The following SMYD4 variants were observed in gnomAD, a reference collection of about 807,000 sequenced individuals.
The protein encoded by SMYD4 is protein-lysine N-methyltransferase SMYD4.
In SMYD4, 68 loss-of-function variants were observed where a neutral mutation model predicts 72.8. The ratio of observed to expected loss-of-function variants is 0.93; its 90% CI spans 0.77 to 1.14. SMYD4 has a LOEUF of 1.14. Ranked by LOEUF, SMYD4 falls within the 50% of genes most tolerant of loss-of-function variation. The pLI is 0.00. For synonymous variants in SMYD4, 407 were observed against 388.6 expected, an observed-to-expected ratio of 1.05 and a Z score of -0.56; for missense variants, 984 against 1,003.7, an observed-to-expected ratio of 0.98 and a Z score of 0.27.
intron 5 of SMYD4, among the ~76,000 whole-genome samples, chr17:1,792,047 T>C (rs961949922): frequency 6.6e-6 from 1 of 152,024 alleles, no homozygotes; most frequent in Non-Finnish European, 1.5e-5. Context: ...AATACATTTT[T>C]TTTTTTTTTG....
At chr17:1,799,506 A>G (rs1909590597) in intron 5 of SMYD4, among the ~76,000 whole-genome samples, 1 of 151,020 alleles carries the variant, frequency 6.6e-6, no homozygotes, top group Non-Finnish European at 1.5e-5. Context: ...AGTAGCTGGG[A>G]CTACAGGCAT....
At chr17:1,812,983 G>C (rs1464633657) in intron 2 of SMYD4, among the ~76,000 whole-genome samples, 1 of 149,644 alleles carries the variant, frequency 6.7e-6, no homozygotes, top group African/African-American at 2.5e-5. Flanking sequence ...CTGTCACCCA[G>C]GCTGGAGTGC....
chr17:1,807,175 C>A (rs1209817222), intron 3 of SMYD4, among the ~76,000 whole-genome samples: 2 of 152,022 alleles, frequency 1.3e-5, no homozygotes, highest in African/African-American at 4.8e-5. Context: ...CAGGTGTGAG[C>A]CACTGTGCCC....
At chr17:1,807,531 T>G (rs933632806) in intron 3 of SMYD4, among the ~76,000 whole-genome samples, 4 of 151,886 alleles carry the variant, frequency 2.6e-5, no homozygotes, top group Non-Finnish European at 4.4e-5. Flanking sequence ...CCCAGCTAAT[T>G]TTTCTATTTT....
chr17:1,783,053 G>A lies in SMYD4; in HGVS notation c.2243C>T (p.Ala748Val), dbSNP rs1397008849. The change falls in exon 10 of 11, where the codon GCC becomes GTC. Residue 748 changes from alanine to valine, a missense_variant. Coordinates refer to ENST00000305513, the MANE Select transcript of SMYD4 (RefSeq NM_052928.3). ...GACTCACCCGTTGAAAAAGATCTGG[G>A]CCAATTTGAAGAGCTCATGGCCCAT... Reference protein sequence around the residue: ...VEMGHELFKLAQIFFNGFAVP... With the variant: ...VEMGHELFKLVQIFFNGFAVP... 1 of 1,614,126 alleles carries A rather than the reference G, an allele frequency of 6.2e-7. No individual in the cohort carries two copies. The highest frequency in any genetic ancestry group is 1.7e-5 in the Admixed American group (1 of 59,960).
chr17:1,787,312 G>A (rs1908747180), intron 6 of SMYD4, 110 bp downstream of exon 6: 1 of 1,386,442 alleles, frequency 7.2e-7, no homozygotes, highest in Admixed American at 2.0e-5. Flanking sequence ...GCCTCTTCCA[G>A]GAAGCAGACA....
chr17:1,815,700 T>C (rs1910555764), intron 2 of SMYD4, among the ~76,000 whole-genome samples: 1 of 99,734 alleles, frequency 1.0e-5, no homozygotes, highest in Non-Finnish European at 2.3e-5. Context: ...GAAAAAGCAA[T>C]CTAATGTTTT....
Position 1,787,496 on chromosome 17 carries a change from G to C in SMYD4, c.1646C>G (p.Ser549Cys), listed in dbSNP as rs1290925147. Reference sequence around the variant, plus strand: ...GATGGTGGCGACAGTGCTAATGAAGGACACGCTGGTGTTGGGGCTACAGGA... The same window carrying C: ...GATGGTGGCGACAGTGCTAATGAAGCACACGCTGGTGTTGGGGCTACAGGA... ...NHSCSPNTSV[S>C]FISTVATIRA... is the part of the protein sequence containing the mutation. Residue 549 changes from serine to cysteine, a missense_variant, in exon 6 of 11, where the codon TCC becomes TGC. Transcript: ENST00000305513. The C allele has an allele frequency of 1.3e-6, 2 of 1,578,516 alleles. No homozygotes were observed. The highest frequency in any genetic ancestry group is 1.7e-6 in the Non-Finnish European group (2 of 1,162,138).
chr17:1,793,436 T>TG (rs1279919278), intron 5 of SMYD4, among the ~76,000 whole-genome samples: 1 of 151,772 alleles, frequency 6.6e-6, no homozygotes, highest in Non-Finnish European at 1.5e-5. Context: ...CTGACTCACA[T>TG]GACTGCCTTT....
At chr17:1,805,376 T>C (rs1182889528) in intron 3 of SMYD4, among the ~76,000 whole-genome samples, 2 of 152,078 alleles carry the variant, frequency 1.3e-5, no homozygotes, top group South Asian at 2.1e-4. Flanking sequence ...TGAGCTGAGA[T>C]AGTGCCTGAG....
At chr17:1,829,172 C>G (rs1911380439) in intron 1 of SMYD4, among the ~76,000 whole-genome samples, 1 of 152,162 alleles carries the variant, frequency 6.6e-6, no homozygotes. Flanking sequence ...CCAGGAAGCC[C>G]AGGACAAAAC....
chr17:1,795,311 G>A (rs544283679), intron 5 of SMYD4, among the ~76,000 whole-genome samples: 9 of 151,518 alleles, frequency 5.9e-5, no homozygotes, highest in East Asian at 3.9e-4. Context: ...TTGCTCTGTC[G>A]CCCTGGCTAT....
chr17:1,783,675 G>T, intron 8 of SMYD4, 199 bp from the exon 9 acceptor site: 1 of 880,394 alleles, frequency 1.1e-6, no homozygotes, highest in Non-Finnish European at 1.7e-6. Context: ...GGAGAAAGGC[G>T]CTAGGGGAGG....
intron 5 of SMYD4, among the ~76,000 whole-genome samples, chr17:1,799,374 T>A (rs7216871): frequency 0.14 from 19,635 of 145,090 alleles, 1,573 homozygotes; most frequent in African/African-American, 0.23. Flanking sequence ...AATCAAATAA[T>A]TTTTTTTTTT....
chr17:1,780,608 G>C lies in SMYD4; in HGVS notation c.*678C>G, dbSNP rs1172964618. 7.9e-6 allele frequency: 1 copy of C among 126,552 alleles called. No individual in the cohort carries two copies. The highest frequency in any genetic ancestry group is 2.5e-4 in the East Asian group (1 of 3,976). 7.8% of individuals were successfully genotyped at this position (126,552 alleles called of 1,614,324 possible). A position where few individuals can be genotyped will look rare whatever the true frequency, so the allele number is the denominator to read the frequency against. The stretch of plus-strand genomic sequence containing the variant: ...CGACCCACAGAACCCACATCTGGCA[G>C]CAGAACCTCTTAATATTTTTTTTTT... On this transcript the variant is annotated 3_prime_UTR_variant, in exon 11 of 11. Coordinates refer to ENST00000305513, the MANE Select transcript of SMYD4 (RefSeq NM_052928.3).
At chr17:1,813,818 CATAAAT>C (rs1404642659) in intron 2 of SMYD4, among the ~76,000 whole-genome samples, 24 of 151,786 alleles carry the variant, frequency 1.6e-4, no homozygotes, top group South Asian at 8.3e-4. Flanking sequence ...TGAACTAATA[CATAAAT>C]ATAGAGACAT....
chr17:1,821,048 T>C (rs1910860566), intron 2 of SMYD4, among the ~76,000 whole-genome samples: 1 of 152,170 alleles, frequency 6.6e-6, no homozygotes, highest in Non-Finnish European at 1.5e-5. Context: ...AGGTGATTTA[T>C]TAACCCCAGG....
In SMYD4 at chr17:1,789,394, A is replaced by C. The variant is rs117133681; in HGVS notation, c.1538-1790T>G. Among the ~76,000 whole-genome samples the C allele has an allele frequency of 2.0e-5, 3 of 152,034 alleles. No individual in the cohort carries two copies. The East Asian group carries it at 5.8e-4, about 29-fold the overall frequency. On this transcript the variant is annotated intron_variant, in intron 5 of 10. Transcript: ENST00000305513. The stretch of plus-strand genomic sequence containing the variant: ...AGAGCAAAACTGTCTCGCAAAACAA[A>C]AAAAACAAATTCACCAAAGAAATAG...
intron 2 of SMYD4, among the ~76,000 whole-genome samples, chr17:1,819,384 C>T (rs1567787756): frequency 6.6e-6 from 1 of 152,100 alleles, no homozygotes; most frequent in Non-Finnish European, 1.5e-5. Flanking sequence ...AAAATGACTA[C>T]ATAGTTAAAT....
Sources: allele counts gnomAD v4.1 joint callset (sites outside exome capture counted in the v4.1 genomes callset), GRCh38; gene constraint gnomAD v4.1.1; transcripts MANE v1.5; gene names NCBI Gene and HGNC (gene_info 2026-07-23, HGNC 2026-07-21).